Variants in ASIP observed in about 807,000 individuals in gnomAD.
ASIP encodes agouti signaling protein, also known as agouti-signaling protein.
In ASIP, 11 loss-of-function variants were observed where a neutral mutation model predicts 10.3. The ratio of observed to expected loss-of-function variants is 1.07; its 90% confidence interval spans 0.68 to 1.78. ASIP has a LOEUF of 1.78. Ranked by LOEUF, ASIP falls within the 40% of genes most tolerant of loss-of-function variation. The pLI is 0.00. For synonymous variants in ASIP, 70 were observed against 70.8 expected, an observed-to-expected ratio of 0.99 and a Z score of 0.06; for missense variants, 180 against 169.2, an observed-to-expected ratio of 1.06 and a Z score of -0.35.
chr20:34,193,874 C>T (rs552074782), upstream of ASIP, among the ~76,000 whole-genome samples: 27 of 152,280 alleles, frequency 1.8e-4, no homozygotes, highest in Non-Finnish European at 3.2e-4. Flanking sequence ...TCATGGCATC[C>T]GAGGAACCTA....
At chr20:34,267,626 G>A (rs1019388935) in intron 3 of ASIP, among the ~76,000 whole-genome samples, 1 of 151,890 alleles carries the variant, frequency 6.6e-6, no homozygotes, top group African/African-American at 2.4e-5. Context: ...CCACCTCCCC[G>A]GTTCAAACAA....
chr20:34,204,917 A>G (rs539223444), intron 1 of ASIP, among the ~76,000 whole-genome samples: 2 of 152,250 alleles, frequency 1.3e-5, no homozygotes, highest in African/African-American at 4.8e-5. Context: ...TAATGATCAA[A>G]TCAGGATAAT....
At chr20:34,219,872 G>A (rs1601576645) in intron 1 of ASIP, among the ~76,000 whole-genome samples, 1 of 151,902 alleles carries the variant, frequency 6.6e-6, no homozygotes, top group East Asian at 2.0e-4. Context: ...GGCGGATCAT[G>A]AGGTCAGGAG....
At chr20:34,249,103 T>C (rs1172411166) in intron 1 of ASIP, among the ~76,000 whole-genome samples, 1 of 151,966 alleles carries the variant, frequency 6.6e-6, no homozygotes, top group African/African-American at 2.4e-5. Context: ...CACTCCAGCC[T>C]GGGTGACAGA....
intron 1 of ASIP, among the ~76,000 whole-genome samples, chr20:34,235,816 A>AGAAAGAAAG (rs2035177323): frequency 8.1e-5 from 5 of 61,926 alleles, no homozygotes; most frequent in Non-Finnish European, 1.3e-4. Context: ...AAAGAAAGAA[A>AGAAAGAAAG]GAAAGAAAGA....
chr20:34,267,373 A>G (rs892564352), intron 3 of ASIP, among the ~76,000 whole-genome samples: 2 of 151,106 alleles, frequency 1.3e-5, no homozygotes, highest in Non-Finnish European at 2.9e-5. Context: ...GCAGCGTCCA[A>G]TAGAAATACA....
chr20:34,262,030 T>C (rs2035702578), intron 2 of ASIP, among the ~76,000 whole-genome samples: 1 of 151,820 alleles, frequency 6.6e-6, no homozygotes, highest in Non-Finnish European at 1.5e-5. Context: ...GGAAAATCAC[T>C]TGAACCCAGG....
upstream of ASIP, among the ~76,000 whole-genome samples, chr20:34,238,303 T>C (rs542490414): frequency 3.1e-4 from 47 of 152,290 alleles, no homozygotes; most frequent in African/African-American, 1.1e-3. Flanking sequence ...TTCTGCTTGA[T>C]GGTGTCCCAC....
At chr20:34,209,345 C>T (rs568265260) in intron 1 of ASIP, among the ~76,000 whole-genome samples, 1 of 152,364 alleles carries the variant, frequency 6.6e-6, no homozygotes, top group South Asian at 2.1e-4. Context: ...GGAGGCCTAC[C>T]CTCACGGGTG....
chr20:34,192,440 A>T (rs2034829751), upstream of ASIP, among the ~76,000 whole-genome samples: 1 of 151,922 alleles, frequency 6.6e-6, no homozygotes, highest in African/African-American at 2.4e-5. Context: ...ACCTCCTGAG[A>T]TTATAGACAT....
At chr20:34,191,975 CCTGCCTCGG>C (rs2034826939), upstream of ASIP, among the ~76,000 whole-genome samples, 1 of 152,178 alleles carries the variant, frequency 6.6e-6, no homozygotes, top group African/African-American at 2.4e-5. Context: ...AGGTAATCCA[CCTGCCTCGG>C]CCTCCCAGAG....
chr20:34,208,835 C>T (rs2034954483), intron 1 of ASIP, among the ~76,000 whole-genome samples: 1 of 152,142 alleles, frequency 6.6e-6, no homozygotes, highest in African/African-American at 2.4e-5. Flanking sequence ...TCTTTCACTT[C>T]TTTGGTCGTT....
At chr20:34,243,190 G>A (rs544190288) in intron 1 of ASIP, among the ~76,000 whole-genome samples, 29 of 152,336 alleles carry the variant, frequency 1.9e-4, no homozygotes, top group African/African-American at 6.5e-4. Context: ...TGTCCCTTGA[G>A]AAGGGACACA....
chr20:34,227,895 T>C (rs974802302), intron 1 of ASIP, among the ~76,000 whole-genome samples: 1 of 152,196 alleles, frequency 6.6e-6, no homozygotes, highest in South Asian at 2.1e-4. Context: ...AACAGTGTAG[T>C]ATTGCTATAA....
At chr20:34,187,445 G>A in the ASIP span, among the ~76,000 whole-genome samples, 2 of 152,210 alleles carry the variant, frequency 1.3e-5, no homozygotes, top group African/African-American at 4.8e-5. Context: ...CTAGGGCCAA[G>A]TGTGTAAGGT....
intron 1 of ASIP, among the ~76,000 whole-genome samples, chr20:34,226,189 G>C (rs575397292): frequency 6.6e-6 from 1 of 152,038 alleles, no homozygotes; most frequent in African/African-American, 2.4e-5. Context: ...TGAGCCACAC[G>C]CTCAGCTGAC....
intron 1 of ASIP, chr20:34,214,254 C>T (rs2034993073): frequency 7.8e-6 from 11 of 1,404,890 alleles, no homozygotes; most frequent in Non-Finnish European, 9.1e-6. Flanking sequence ...AACTTTTGCA[C>T]TGGAATGACG....
intron 2 of ASIP, 126 bp downstream of exon 2, chr20:34,260,660 A>G: frequency 8.9e-7 from 1 of 1,126,798 alleles, no homozygotes; most frequent in Non-Finnish European, 1.2e-6. Flanking sequence ...CCAGGAAATA[A>G]TCCTGGGAGA....
intron 1 of ASIP, among the ~76,000 whole-genome samples, chr20:34,247,418 A>G (rs2035397296): frequency 6.7e-6 from 1 of 149,284 alleles, no homozygotes; most frequent in African/African-American, 2.5e-5. Context: ...CTCCTGCCTC[A>G]GCCTCCCGAG....
Sources: allele counts gnomAD v4.1 joint callset (sites outside exome capture counted in the v4.1 genomes callset), GRCh38; gene constraint gnomAD v4.1.1; transcripts MANE v1.5; gene names NCBI Gene and HGNC (gene_info 2026-07-23, HGNC 2026-07-21).